Variants in MAPK10 observed in about 807,000 individuals in gnomAD.
MAPK10 encodes JNK3 alpha protein kinase.
A neutral mutation model predicts 59.3 loss-of-function variants in MAPK10; 25 were observed. That is an observed-to-expected ratio of 0.42 (90% CI 0.31 to 0.59). The LOEUF is 0.59. Ranked by LOEUF, MAPK10 falls within the 20% of genes least tolerant of loss-of-function variation. The pLI is 0.15. For missense variants in MAPK10, 351 were observed against 568.9 expected (o/e 0.62, Z 3.90); for synonymous variants, 190 against 200.5 (o/e 0.95, Z 0.44).
intron 2 of MAPK10, among the ~76,000 whole-genome samples, chr4:86,210,464 T>G (rs1332715347): frequency 6.6e-6 from 1 of 151,988 alleles, no homozygotes; most frequent in Non-Finnish European, 1.5e-5. Flanking sequence ...TAATTTAATG[T>G]TCAATAATAA....
At chr4:86,392,949 A>G (rs1183564006) in intron 1 of MAPK10, among the ~76,000 whole-genome samples, 2 of 152,214 alleles carry the variant, frequency 1.3e-5, no homozygotes, top group African/African-American at 4.8e-5. Flanking sequence ...AGTTTTCCTT[A>G]CAGAAGGAAA....
intron 3 of MAPK10, among the ~76,000 whole-genome samples, chr4:86,171,494 C>T (rs185014934): frequency 0.08 from 12,095 of 150,808 alleles, 1,086 homozygotes; most frequent in African/African-American, 0.22. Flanking sequence ...CCCTATTTAA[C>T]AAATGGTGCT....
chr4:86,445,155 A>G (rs1749887924), intron 1 of MAPK10, among the ~76,000 whole-genome samples: 1 of 152,210 alleles, frequency 6.6e-6, no homozygotes, highest in Non-Finnish European at 1.5e-5. Context: ...AATAGCAAAG[A>G]CATGGAATCA....
At chr4:86,052,839 C>G (rs1217585845) in intron 11 of MAPK10, among the ~76,000 whole-genome samples, 2 of 152,074 alleles carry the variant, frequency 1.3e-5, no homozygotes, top group Admixed American at 6.6e-5. Context: ...GTGTAAGCCA[C>G]CATGCCTGGC....
chr4:86,130,725 T>C (rs2060852339), intron 4 of MAPK10, among the ~76,000 whole-genome samples: 1 of 152,050 alleles, frequency 6.6e-6, no homozygotes, highest in Non-Finnish European at 1.5e-5. Flanking sequence ...TGCTGTGAAA[T>C]GGGAAGCAAG....
At chr4:86,280,965 C>A (rs2094777802) in intron 2 of MAPK10, among the ~76,000 whole-genome samples, 1 of 151,928 alleles carries the variant, frequency 6.6e-6, no homozygotes, top group African/African-American at 2.4e-5. Flanking sequence ...AAAAGGGAGG[C>A]AAGGGTTGGA....
At chr4:86,538,441 C>T (rs951469557) in intron 1 of MAPK10, among the ~76,000 whole-genome samples, 4 of 152,168 alleles carry the variant, frequency 2.6e-5, no homozygotes, top group Admixed American at 6.5e-5. Context: ...CCACCGCACC[C>T]GGCCCTGAGC....
intron 1 of MAPK10, among the ~76,000 whole-genome samples, chr4:86,383,007 C>A (rs1740976670): frequency 6.6e-6 from 1 of 152,144 alleles, no homozygotes; most frequent in South Asian, 2.1e-4. Flanking sequence ...AAAATTAGTA[C>A]AAATAGTAAA....
rs1331655914 is a variant in MAPK10, at chr4:86,011,393, A to C, written c.*5835T>G. 6.6e-6 allele frequency: 1 copy of C among 152,240 alleles called. No homozygotes were observed. The highest frequency in any genetic ancestry group is 1.5e-5 in the Non-Finnish European group (1 of 68,038). 9.4% of individuals were successfully genotyped at this position (152,240 alleles called of 1,614,324 possible). A position where few individuals can be genotyped will look rare whatever the true frequency, so the allele number is the denominator to read the frequency against. On this transcript the variant is annotated 3_prime_UTR_variant, in exon 14 of 14. Coordinates refer to ENST00000641462, the MANE Select transcript of MAPK10 (RefSeq NM_138982.4). ...ACCATGATGAATTGGGAATGTCAAA[A>C]ACCTCTGCCTTGGCTGTGATCCAGT...
At chr4:86,278,159 T>C (rs1380486364) in intron 2 of MAPK10, among the ~76,000 whole-genome samples, 1 of 152,148 alleles carries the variant, frequency 6.6e-6, no homozygotes, top group Non-Finnish European at 1.5e-5. Flanking sequence ...ATATCCAAGA[T>C]TGTTTCACAT....
chr4:86,086,903 T>C (rs942313894), intron 9 of MAPK10, among the ~76,000 whole-genome samples: 5 of 152,304 alleles, frequency 3.3e-5, no homozygotes, highest in African/African-American at 1.2e-4. Context: ...TTTGAAATCA[T>C]TGAGACCACA....
At chr4:86,115,688 T>G (rs1415453400) in intron 4 of MAPK10, among the ~76,000 whole-genome samples, 1 of 152,176 alleles carries the variant, frequency 6.6e-6, no homozygotes, top group East Asian at 1.9e-4. Flanking sequence ...CTCAAACTCC[T>G]GACCTCAAGT....
intron 2 of MAPK10, among the ~76,000 whole-genome samples, chr4:86,329,845 T>C (rs564993587): frequency 3.7e-3 from 175 of 47,488 alleles, no homozygotes; most frequent in African/African-American, 7.9e-3. Flanking sequence ...TCTTATTATA[T>C]TATTTTCAAA....
chr4:86,517,499 T>C (rs1047119180), intron 1 of MAPK10, among the ~76,000 whole-genome samples: 1 of 152,134 alleles, frequency 6.6e-6, no homozygotes, highest in East Asian at 1.9e-4. Flanking sequence ...ATGGTCTCAA[T>C]CTCCTGACCT....
intron 2 of MAPK10, among the ~76,000 whole-genome samples, chr4:86,264,565 A>G (rs2094146128): frequency 6.6e-6 from 1 of 152,232 alleles, no homozygotes; most frequent in Non-Finnish European, 1.5e-5. Flanking sequence ...GTCCCCCACA[A>G]TGAAGTCTGA....
chr4:86,180,594 C>G (rs2076714154), intron 3 of MAPK10, among the ~76,000 whole-genome samples: 2 of 151,470 alleles, frequency 1.3e-5, no homozygotes, highest in South Asian at 4.1e-4. Context: ...ATGGAATCAA[C>G]CTTAGGTGTC....
intron 9 of MAPK10, among the ~76,000 whole-genome samples, chr4:86,093,164 C>A (rs1423176858): frequency 6.6e-6 from 1 of 152,004 alleles, no homozygotes; most frequent in Non-Finnish European, 1.5e-5. Context: ...CTTCCACACT[C>A]CATCTAATAG....
At chr4:86,108,330 C>A (rs1285932451) in intron 4 of MAPK10, among the ~76,000 whole-genome samples, 1 of 152,090 alleles carries the variant, frequency 6.6e-6, no homozygotes, top group African/African-American at 2.4e-5. Flanking sequence ...GATGCACTCA[C>A]AAAATATGTG....
chr4:86,385,435 G>A (rs929968221), intron 1 of MAPK10, among the ~76,000 whole-genome samples: 1 of 152,082 alleles, frequency 6.6e-6, no homozygotes, highest in Non-Finnish European at 1.5e-5. Context: ...ACACTCTGTG[G>A]TTGACTTTAA....
Sources: gnomAD v4.1 joint callset for allele counts (sites outside exome capture counted in the v4.1 genomes callset) on GRCh38, gnomAD v4.1.1 for gene constraint, MANE v1.5 for transcripts, NCBI Gene and HGNC (gene_info 2026-07-23, HGNC 2026-07-21) for gene names.